The following SNRPG variants were observed in gnomAD, a reference collection of about 807,000 sequenced individuals.
SNRPG encodes small nuclear ribonucleoprotein polypeptide G.
In SNRPG, 3 loss-of-function variants were observed where a neutral mutation model predicts 13.9. That is an observed-to-expected ratio of 0.22 (90% CI 0.10 to 0.56). The LOEUF (loss-of-function observed/expected upper bound fraction) is 0.56. Among genes scored for constraint, SNRPG ranks in the 20% least tolerant of loss-of-function variants. SNRPG has a pLI of 0.93. For missense variants in SNRPG, 34 were observed against 96.1 expected (o/e 0.35, Z 2.70); for synonymous variants, 29 against 29.3 (o/e 0.99, Z 0.03).
intron 1 of SNRPG, among the ~76,000 whole-genome samples, chr2:70,290,905 G>C (rs771073689): frequency 1.3e-5 from 2 of 149,496 alleles, no homozygotes; most frequent in Non-Finnish European, 3.0e-5. Context: ...CAGCTACTCG[G>C]GAGGCTGAGG....
chr2:70,285,739 G>T (rs1384966427), intron 3 of SNRPG, among the ~76,000 whole-genome samples: 1 of 152,122 alleles, frequency 6.6e-6, no homozygotes, highest in African/African-American at 2.4e-5. Context: ...GAACCATCAG[G>T]TCCAGAATTA....
chr2:70,291,932 T>C (rs1697107851), intron 1 of SNRPG, among the ~76,000 whole-genome samples: 1 of 151,282 alleles, frequency 6.6e-6, no homozygotes. Flanking sequence ...TTCACAATAA[T>C]TTCTGAGTAA....
chr2:70,289,699 T>C (rs1697031950), intron 1 of SNRPG, among the ~76,000 whole-genome samples: 1 of 152,074 alleles, frequency 6.6e-6, no homozygotes, highest in African/African-American at 2.4e-5. Flanking sequence ...TGGTTCCAGC[T>C]ACTTGGGAGG....
intron 1 of SNRPG, among the ~76,000 whole-genome samples, chr2:70,292,255 A>ATAAT (rs1697119876): frequency 6.7e-6 from 1 of 150,070 alleles, no homozygotes; most frequent in South Asian, 2.1e-4. Context: ...TTATGTTTTA[A>ATAAT]TAATTAATTC....
chr2:70,293,572 G>A lies in SNRPG; in HGVS notation c.32+46C>T, dbSNP rs1306445290. ...GGAGAGGGAACCAAGGGACTCGCAG[G>A]ACGCAAATAACTGACCACTTCGGTT... On this transcript the variant is annotated intron_variant, in intron 1 of 3. Transcript: ENST00000272348. 4 of 1,534,990 alleles carry A rather than the reference G, an allele frequency of 2.6e-6. No homozygotes were observed. The South Asian group carries it at 4.5e-5, about 17-fold the overall frequency.
chr2:70,291,576 T>C (rs1697097829), intron 1 of SNRPG, among the ~76,000 whole-genome samples: 1 of 152,116 alleles, frequency 6.6e-6, no homozygotes, highest in Non-Finnish European at 1.5e-5. Flanking sequence ...CTACTCCCCA[T>C]TTAAGAACAC....
intron 2 of SNRPG, among the ~76,000 whole-genome samples, chr2:70,288,655 C>T (rs1401209734): frequency 1.3e-5 from 2 of 152,148 alleles, no homozygotes; most frequent in Admixed American, 6.5e-5. Flanking sequence ...ATGGTTTTTT[C>T]CCCTACATAT....
chr2:70,293,158 C>T (rs751664943), intron 1 of SNRPG: 22 of 702,412 alleles, frequency 3.1e-5, no homozygotes, highest in South Asian at 3.0e-4. Context: ...CCTACAAACA[C>T]ATTTGCTAAG....
rs556172607 is a variant in SNRPG, at chr2:70,283,035, C to A, written c.181-1351G>T. Among the ~76,000 whole-genome samples the A allele has an allele frequency of 5.1e-4, 64 of 126,418 alleles. 1 individual carries two copies. Among genetic ancestry groups the A allele is most frequent in the Admixed American group, 1.7e-3 (16 of 9,628 alleles). 82.9% of individuals were successfully genotyped at this position (126,418 alleles called of 152,430 possible). A position where few individuals can be genotyped will look rare whatever the true frequency, so the allele number is the denominator to read the frequency against. ...ACTTGAACCCGGGAGGCGGAGGTTG[C>A]GGTAAGCCAAGATAGCGCCACTGCA... On this transcript the variant is annotated intron_variant, in intron 3 of 3. Transcript: ENST00000272348.
intron 2 of SNRPG, among the ~76,000 whole-genome samples, chr2:70,288,563 T>C (rs776044350): frequency 3.9e-5 from 6 of 152,178 alleles, no homozygotes; most frequent in African/African-American, 4.8e-5. Context: ...GCCCGAGCTT[T>C]TAAGTAACTG....
chr2:70,285,122 T>C (rs1218289550), intron 3 of SNRPG, among the ~76,000 whole-genome samples: 4 of 152,260 alleles, frequency 2.6e-5, no homozygotes, highest in African/African-American at 9.6e-5. Flanking sequence ...GCAGTGATGC[T>C]GGCAATATGG....
intron 1 of SNRPG, among the ~76,000 whole-genome samples, chr2:70,289,808 CAG>C (rs950822373): frequency 9.2e-5 from 14 of 151,690 alleles, no homozygotes; most frequent in African/African-American, 2.2e-4. Flanking sequence ...GAAACTGTCT[CAG>C]GGGAAAAAAA....
In SNRPG at chr2:70,288,058, C is replaced by G. The variant is rs779846918; in HGVS notation, c.180+10G>C. On this transcript the variant is annotated intron_variant, in intron 3 of 3. Transcript: ENST00000272348. Reference sequence around the variant, plus strand: ...GAAATCTCCAAGAGAACTCTTGTATCTTTACTTACCACCATTCCAATATTG... The same window carrying G: ...GAAATCTCCAAGAGAACTCTTGTATGTTTACTTACCACCATTCCAATATTG... The G allele has an allele frequency of 3.7e-6, 6 of 1,610,890 alleles. No homozygotes were observed. In the South Asian group the frequency reaches 6.6e-5, roughly 18 times the overall value.
At chr2:70,285,583 T>TGC (rs1696921813) in intron 3 of SNRPG, among the ~76,000 whole-genome samples, 1 of 151,900 alleles carries the variant, frequency 6.6e-6, no homozygotes, top group Non-Finnish European at 1.5e-5. Context: ...CACACGCGCG[T>TGC]GCACACACAC....
At chr2:70,281,733 A>AT (rs754829158) in intron 3 of SNRPG, 49 bp from the exon 4 acceptor site, 5 of 964,288 alleles carry the variant, frequency 5.2e-6, no homozygotes, top group Non-Finnish European at 8.1e-6. Context: ...GGTAACAGAC[A>AT]TAACTATGAT....
intron 1 of SNRPG, among the ~76,000 whole-genome samples, chr2:70,292,291 A>G (rs1332671704): frequency 6.6e-6 from 1 of 152,026 alleles, no homozygotes; most frequent in Non-Finnish European, 1.5e-5. Flanking sequence ...TAAAATATAC[A>G]TAGAAGTAGT....
intron 3 of SNRPG, among the ~76,000 whole-genome samples, chr2:70,283,125 C>CAAAACAAAAAAAAA (rs1176330727): frequency 5.6e-5 from 3 of 53,202 alleles, no homozygotes; most frequent in African/African-American, 1.9e-4. Context: ...AAAAAAAAAA[C>CAAAACAAAAAAAAA]AACAAACCAA....
At chr2:70,292,363 TTGAAACA>T (rs1697121912) in intron 1 of SNRPG, among the ~76,000 whole-genome samples, 1 of 152,070 alleles carries the variant, frequency 6.6e-6, no homozygotes, top group South Asian at 2.1e-4. Flanking sequence ...TTATTATTTT[TTGAAACA>T]GAGTTTCGGT....
At chr2:70,293,019 CT>C in intron 1 of SNRPG, 1 of 619,392 alleles carries the variant, frequency 1.6e-6, no homozygotes, top group East Asian at 2.8e-5. Context: ...AATTAATGTT[CT>C]TAAAAAAAAA....
Sources: allele counts gnomAD v4.1 joint callset (sites outside exome capture counted in the v4.1 genomes callset), GRCh38; gene constraint gnomAD v4.1.1; transcripts MANE v1.5; gene names NCBI Gene and HGNC (gene_info 2026-07-23, HGNC 2026-07-21).